Variants in TCERG1L observed in about 807,000 individuals in gnomAD.
TCERG1L encodes transcription elongation regulator 1 like.
Under a neutral mutation model 56.3 loss-of-function variants are expected in TCERG1L, and 37 were observed. That is an observed-to-expected ratio of 0.66 (90% CI 0.51 to 0.87). The LOEUF (loss-of-function observed/expected upper bound fraction) is 0.87. Among genes scored for constraint, TCERG1L ranks in the 40% least tolerant of loss-of-function variants. The pLI is 0.00. For missense variants in TCERG1L, 799 were observed against 774.2 expected (o/e 1.03, Z -0.38); for synonymous variants, 324 against 326.3 (o/e 0.99, Z 0.08).
chr10:131,115,870 T>C (rs1247545804), intron 9 of TCERG1L, among the ~76,000 whole-genome samples: 3 of 152,186 alleles, frequency 2.0e-5, no homozygotes, highest in African/African-American at 7.2e-5. Flanking sequence ...GACCTCTCTG[T>C]TCTGCAGGGA....
intron 4 of TCERG1L, among the ~76,000 whole-genome samples, chr10:131,198,534 G>A (rs1418476765): frequency 1.3e-5 from 2 of 152,232 alleles, no homozygotes; most frequent in Admixed American, 6.5e-5. Context: ...CTCACCGTCC[G>A]GAGGCTGGGA....
intron 4 of TCERG1L, among the ~76,000 whole-genome samples, chr10:131,216,360 C>T (rs938242133): frequency 4.6e-5 from 7 of 152,212 alleles, no homozygotes; most frequent in Non-Finnish European, 7.3e-5. Context: ...CTTGTACCAT[C>T]TACTGTCGCA....
At chr10:131,270,062 T>A (rs1564830280) in intron 3 of TCERG1L, among the ~76,000 whole-genome samples, 1 of 152,152 alleles carries the variant, frequency 6.6e-6, no homozygotes, top group East Asian at 1.9e-4. Flanking sequence ...GAGCCCAGTG[T>A]TGGGAAGAAG....
intron 6 of TCERG1L, among the ~76,000 whole-genome samples, chr10:131,158,625 T>C (rs1005775109): frequency 1.3e-5 from 2 of 152,182 alleles, no homozygotes; most frequent in East Asian, 1.9e-4. Context: ...GGCCCACCTA[T>C]GTGGAAACTT....
At chr10:131,195,971 G>A (rs912914324) in intron 4 of TCERG1L, among the ~76,000 whole-genome samples, 4 of 152,186 alleles carry the variant, frequency 2.6e-5, no homozygotes, top group African/African-American at 7.2e-5. Flanking sequence ...ACTGGGCAGC[G>A]GGGCTGGCAC....
At chr10:131,207,474 C>T (rs891047532) in intron 4 of TCERG1L, among the ~76,000 whole-genome samples, 1 of 152,204 alleles carries the variant, frequency 6.6e-6, no homozygotes, top group Non-Finnish European at 1.5e-5. Context: ...GACAGATGTT[C>T]CCTTGAAGTG....
intron 1 of TCERG1L, among the ~76,000 whole-genome samples, chr10:131,310,370 A>C (rs997900006): frequency 6.6e-6 from 1 of 152,236 alleles, no homozygotes; most frequent in East Asian, 1.9e-4. Context: ...GTGATGTATC[A>C]TTAAGTCTAA....
At chr10:131,171,448 A>C (rs117705588) in intron 4 of TCERG1L, among the ~76,000 whole-genome samples, 2,838 of 152,294 alleles carry the variant, frequency 0.019, 42 homozygotes, top group Middle Eastern at 0.037. Context: ...AGGTATCATC[A>C]TCACCTGGGG....
Position 131,302,489 on chromosome 10 carries a change from A to G in TCERG1L, c.670+5722T>C, listed in dbSNP as rs563249160. The stretch of plus-strand genomic sequence containing the variant: ...AAAACCAAAATATTTCCCCCAAAAC[A>G]TGTTTCTTTGCCATACCTTGAAACG... On this transcript the variant is annotated intron_variant, in intron 3 of 11. Coordinates refer to ENST00000368642, the MANE Select transcript of TCERG1L (RefSeq NM_174937.4). Among the ~76,000 whole-genome samples the G allele has an allele frequency of 5.3e-5, 8 of 152,010 alleles. 1 individual carries two copies. In the South Asian group the frequency reaches 1.7e-3, roughly 32 times the overall value.
intron 4 of TCERG1L, among the ~76,000 whole-genome samples, chr10:131,221,566 C>A (rs1845731998): frequency 6.6e-6 from 1 of 152,182 alleles, no homozygotes; most frequent in South Asian, 2.1e-4. Flanking sequence ...GGGGATGTGG[C>A]ACTCAGAAGA....
chr10:131,238,931 T>C (rs1845943642), intron 4 of TCERG1L, among the ~76,000 whole-genome samples: 1 of 152,236 alleles, frequency 6.6e-6, no homozygotes, highest in Admixed American at 6.5e-5. Flanking sequence ...AACGTCCCCA[T>C]GCAGTGGGTG....
intron 8 of TCERG1L, among the ~76,000 whole-genome samples, chr10:131,119,623 C>T (rs1233011432): frequency 1.3e-5 from 2 of 152,220 alleles, no homozygotes; most frequent in African/African-American, 4.8e-5. Context: ...GGCTGCCGCA[C>T]GCCTTCCAAA....
At chr10:131,195,592 G>C (rs1796780669) in intron 4 of TCERG1L, among the ~76,000 whole-genome samples, 2 of 152,120 alleles carry the variant, frequency 1.3e-5, no homozygotes, top group Non-Finnish European at 2.9e-5. Context: ...AGGCAGGATG[G>C]GAGGCCTCTT....
intron 5 of TCERG1L, 46 bp from the exon 6 acceptor site, chr10:131,163,256 T>A: frequency 7.2e-7 from 1 of 1,390,106 alleles, no homozygotes; most frequent in Non-Finnish European, 9.6e-7. Context: ...TTTTAAACAC[T>A]CATCTTCAAT....
At chr10:131,291,480 G>A (rs1462032808) in intron 3 of TCERG1L, among the ~76,000 whole-genome samples, 2 of 122,682 alleles carry the variant, frequency 1.6e-5, no homozygotes, top group African/African-American at 3.2e-5. Context: ...AGGTTGGAGT[G>A]CAGTGGCGTG....
intron 3 of TCERG1L, among the ~76,000 whole-genome samples, chr10:131,262,574 C>T (rs1846245982): frequency 6.6e-6 from 1 of 152,132 alleles, no homozygotes; most frequent in South Asian, 2.1e-4. Context: ...CTAATGGATG[C>T]CTCCACTCCC....
intron 7 of TCERG1L, among the ~76,000 whole-genome samples, chr10:131,141,645 A>C (rs1845739987): frequency 6.8e-6 from 1 of 147,204 alleles, no homozygotes. Context: ...CCTCCTTTCC[A>C]ACTTCCCCTC....
chr10:131,293,523 G>A (rs1846656475), intron 3 of TCERG1L, among the ~76,000 whole-genome samples: 2 of 151,808 alleles, frequency 1.3e-5, no homozygotes, highest in South Asian at 4.2e-4. Flanking sequence ...CCCCCCTCCG[G>A]CTGGGAAGAT....
intron 4 of TCERG1L, among the ~76,000 whole-genome samples, chr10:131,172,015 A>C (rs2133441615): frequency 6.6e-6 from 1 of 152,388 alleles, no homozygotes; most frequent in East Asian, 1.9e-4. Flanking sequence ...AGTAATTCTG[A>C]AAGTCAGTCC....
Sources: allele counts gnomAD v4.1 joint callset (sites outside exome capture counted in the v4.1 genomes callset), GRCh38; gene constraint gnomAD v4.1.1; transcripts MANE v1.5; gene names NCBI Gene and HGNC (gene_info 2026-07-23, HGNC 2026-07-21).